EDARADD: variants seen among roughly 807,000 people sequenced by gnomAD.
The protein encoded by EDARADD is EDAR associated via death domain, also known as ectodysplasin-A receptor-associated adapter protein.
Under a neutral mutation model 25.6 loss-of-function variants are expected in EDARADD, and 20 were observed. The ratio of observed to expected loss-of-function variants is 0.78; its 90% CI spans 0.55 to 1.14. EDARADD has a LOEUF of 1.14. Among genes scored for constraint, EDARADD ranks in the 50% most tolerant of loss-of-function variants. EDARADD has a pLI of 0.00. For synonymous variants in EDARADD, 86 were observed against 94.4 expected, an observed-to-expected ratio of 0.91 and a Z score of 0.52; for missense variants, 225 against 270.1, an observed-to-expected ratio of 0.83 and a Z score of 1.17.
chr1:236,381,824 T>TTTTTTTTG, intron 3 of EDARADD, among the ~76,000 whole-genome samples: 2 of 146,128 alleles, frequency 1.4e-5, no homozygotes, highest in Admixed American at 6.9e-5. Flanking sequence ...TTTTTTTTTT[T>TTTTTTTTG]TCAGAGTTGG....
At position 236,467,014 on chromosome 1, in the gene EDARADD, C is replaced by T. The variant is rs538953274; in HGVS notation, c.220-1217C>T. On this transcript the variant is annotated intron_variant, in intron 4 of 5. Transcript: ENST00000334232. ...CCCAGGAGGCGGAGATGCAGTGAGC[C>T]GAGATTGTGCCACTGCACTCCAGCC... is the stretch of plus-strand genomic sequence containing the variant. Among the ~76,000 whole-genome samples, 5 of 151,674 alleles carry T rather than the reference C, an allele frequency of 3.3e-5. No homozygotes were observed. In the South Asian group the frequency reaches 6.3e-4, roughly 19 times the overall value.
At chr1:236,448,392 G>A (rs1400351686) in intron 4 of EDARADD, among the ~76,000 whole-genome samples, 1 of 152,208 alleles carries the variant, frequency 6.6e-6, no homozygotes, top group Non-Finnish European at 1.5e-5. Context: ...CTGCTGGGCT[G>A]AAGTTGAATT....
chr1:236,352,322 T>C (rs1283029209), intron 3 of EDARADD, among the ~76,000 whole-genome samples: 3 of 152,214 alleles, frequency 2.0e-5, no homozygotes, highest in Admixed American at 6.5e-5. Flanking sequence ...GGCTTGGTGG[T>C]GTGGAACTTC....
At chr1:236,441,220 T>G (rs1244091111) in intron 4 of EDARADD, among the ~76,000 whole-genome samples, 1 of 148,950 alleles carries the variant, frequency 6.7e-6, no homozygotes, top group Non-Finnish European at 1.5e-5. Flanking sequence ...ACCCACAACA[T>G]TCCCATAAGC....
chr1:236,434,752 C>T (rs997001434), intron 4 of EDARADD, among the ~76,000 whole-genome samples: 4 of 152,004 alleles, frequency 2.6e-5, no homozygotes, highest in African/African-American at 9.7e-5. Context: ...AAGTTGAGAC[C>T]AGGGCCCCAG....
intron 3 of EDARADD, among the ~76,000 whole-genome samples, chr1:236,378,393 A>G (rs1449153827): frequency 1.3e-5 from 2 of 151,948 alleles, no homozygotes; most frequent in African/African-American, 4.8e-5. Flanking sequence ...ATTGCTAGCA[A>G]CTCAGCAATT....
chr1:236,404,178 C>G (rs572364161), intron 1 of EDARADD, among the ~76,000 whole-genome samples: 1 of 152,322 alleles, frequency 6.6e-6, no homozygotes, highest in Admixed American at 6.5e-5. Flanking sequence ...AAGGCTCAGC[C>G]TGCTGTTAGG....
intron 5 of EDARADD, among the ~76,000 whole-genome samples, chr1:236,480,096 CAT>C (rs72215388): frequency 0.083 from 6,316 of 76,338 alleles, 206 homozygotes; most frequent in East Asian, 0.18. Flanking sequence ...TTAAGTATGC[CAT>C]ATATATATAT....
intron 3 of EDARADD, among the ~76,000 whole-genome samples, chr1:236,370,102 T>C (rs960892537): frequency 8.5e-5 from 13 of 152,136 alleles, no homozygotes; most frequent in Non-Finnish European, 1.9e-4. Context: ...TCTTGCCCAC[T>C]GCCTAGACAG....
intron 4 of EDARADD, among the ~76,000 whole-genome samples, chr1:236,433,323 C>G (rs1225482457): frequency 6.6e-6 from 1 of 151,330 alleles, no homozygotes; most frequent in Non-Finnish European, 1.5e-5. Context: ...TTGGGGGGGG[C>G]CGAGGCAGGT....
chr1:236,395,824 G>A lies in EDARADD; in HGVS notation c.61+1319G>A, dbSNP rs1004166080. Among the ~76,000 whole-genome samples, 5 of 151,758 alleles carry A rather than the reference G, an allele frequency of 3.3e-5. No individual in the cohort carries two copies. Among genetic ancestry groups the A allele is most frequent in the African/African-American group, 1.2e-4 (5 of 41,400 alleles). ...CCAGGCGCCAGACCCGGAGTCGCACGGGGCTCCCAGTCCAGCCCCGCGAGC... is the reference window on the plus strand; with the variant it reads ...CCAGGCGCCAGACCCGGAGTCGCACAGGGCTCCCAGTCCAGCCCCGCGAGC... On this transcript the variant is annotated intron_variant, in intron 1 of 5. Transcript: ENST00000334232. This position sits in a 1 kb window ranked among gnomAD's most constrained non-coding sequence, Gnocchi z 6.9.
At position 236,395,738 on chromosome 1, in the gene EDARADD, G is replaced by C; in HGVS notation, c.61+1233G>C. 6.6e-7 allele frequency: 1 copy of C among 1,512,242 alleles called. No individual in the cohort carries two copies. The highest frequency in any genetic ancestry group is 8.8e-7 in the Non-Finnish European group (1 of 1,135,890). The allele number at this position is 1,512,242 out of a possible 1,614,324, so 93.7% of individuals were successfully genotyped here. On this transcript the variant is annotated intron_variant, in intron 1 of 5. Transcript: ENST00000334232. This position sits in a 1 kb window ranked among gnomAD's most constrained non-coding sequence, Gnocchi z 6.9. ...AGCTCGGGAGGCGCTCGCAGCAGCC[G>C]CAGGGCTATCGAGGCCGGGCCTCGG...
chr1:236,380,064 G>A (rs189108490), intron 3 of EDARADD, among the ~76,000 whole-genome samples: 11 of 152,144 alleles, frequency 7.2e-5, no homozygotes, highest in Non-Finnish European at 1.3e-4. Context: ...TTTGGTGCCC[G>A]TACCTGCCTC....
chr1:236,377,853 T>A (rs1667244543), intron 3 of EDARADD, among the ~76,000 whole-genome samples: 1 of 150,684 alleles, frequency 6.6e-6, no homozygotes. Context: ...TGAGACTCCA[T>A]TAAAAAAAAA....
chr1:236,399,128 A>G (rs553888425), intron 1 of EDARADD, among the ~76,000 whole-genome samples: 1 of 152,346 alleles, frequency 6.6e-6, no homozygotes, highest in Admixed American at 6.5e-5. Context: ...ATCCACGTGC[A>G]TATAACAAAA....
At chr1:236,427,532 A>C in intron 4 of EDARADD, 82 bp downstream of exon 4, 1 of 1,336,916 alleles carries the variant, frequency 7.5e-7, no homozygotes, top group Non-Finnish European at 1.0e-6. Flanking sequence ...GAGTTTTACA[A>C]ATAAAAAATG....
intron 3 of EDARADD, among the ~76,000 whole-genome samples, chr1:236,384,126 A>T (rs1273584289): frequency 6.6e-6 from 1 of 152,178 alleles, no homozygotes; most frequent in African/African-American, 2.4e-5. Flanking sequence ...TGCTTATGTC[A>T]TTTCCAATCT....
chr1:236,367,715 CTTAT>C (rs1667128346), intron 3 of EDARADD, among the ~76,000 whole-genome samples: 2 of 152,132 alleles, frequency 1.3e-5, no homozygotes, highest in African/African-American at 4.8e-5. Flanking sequence ...GATGTTTTGG[CTTAT>C]TTATTTATAA....
intron 4 of EDARADD, among the ~76,000 whole-genome samples, chr1:236,439,236 A>C (rs1461495980): frequency 6.6e-6 from 1 of 152,136 alleles, no homozygotes; most frequent in African/African-American, 2.4e-5. Flanking sequence ...ACCACAGTCT[A>C]TTTATCTATT....
Sources: gnomAD v4.1 joint callset for allele counts (sites outside exome capture counted in the v4.1 genomes callset) on GRCh38, gnomAD v4.1.1 for gene constraint, Gnocchi (gnomAD v3.1) non-coding constraint, MANE v1.5 for transcripts, NCBI Gene and HGNC (gene_info 2026-07-23, HGNC 2026-07-21) for gene names.